The following NRXN1 variants were observed in gnomAD, a reference collection of about 807,000 sequenced individuals.
The protein encoded by NRXN1 is neurexin 1, also known as neurexin-1.
NRXN1 carries 39 observed loss-of-function variants against 150.9 expected under a neutral mutation model. The ratio of observed to expected loss-of-function variants is 0.26; its 90% CI spans 0.20 to 0.34. NRXN1 has a LOEUF of 0.34. Ranked by LOEUF, NRXN1 falls within the 10% of genes least tolerant of loss-of-function variation. NRXN1 has a pLI of 1.00. For synonymous variants in NRXN1, 924 were observed against 757.0 expected (o/e 1.22, Z -3.62); for missense variants, 1,815 against 1,949.9 (o/e 0.93, Z 1.30).
intron 17 of NRXN1, among the ~76,000 whole-genome samples, chr2:50,405,605 G>C (rs1369026958): frequency 6.6e-6 from 1 of 152,076 alleles, no homozygotes; most frequent in Admixed American, 6.6e-5. Context: ...AGAGAAAATT[G>C]TACATTTCCT....
chr2:50,715,262 G>T, intron 5 of NRXN1, among the ~76,000 whole-genome samples: 1 of 152,212 alleles, frequency 6.6e-6, no homozygotes, highest in Non-Finnish European at 1.5e-5. Flanking sequence ...TCATCTGATA[G>T]GCAGGGTGGA....
Position 50,497,293 on chromosome 2 carries a change from A to G in NRXN1, c.2879+40T>C, listed in dbSNP as rs199707326. 1.2e-4 allele frequency: 166 copies of G among 1,420,290 alleles called. No individual in the cohort carries two copies. In the African/African-American group the frequency reaches 2.1e-3, roughly 18 times the overall value. The allele number at this position is 1,420,290 out of a possible 1,614,324, so 88.0% of individuals were successfully genotyped here. A position where few individuals can be genotyped will look rare whatever the true frequency, so the allele number is the denominator to read the frequency against. On this transcript the variant is annotated intron_variant, in intron 14 of 22. Transcript: ENST00000401669. The stretch of plus-strand genomic sequence containing the variant: ...TTTGGAAATTGACGTCCATTTTTCC[A>G]AAGTTTTATTTATTTGCTATTGAAC...
chr2:50,528,344 C>T (rs960973339), intron 12 of NRXN1, among the ~76,000 whole-genome samples: 1 of 152,000 alleles, frequency 6.6e-6, no homozygotes, highest in African/African-American at 2.4e-5. Flanking sequence ...TCTAAAAATG[C>T]CACTTGCAGT....
chr2:50,817,285 C>T (rs1669071779), intron 5 of NRXN1, among the ~76,000 whole-genome samples: 1 of 151,958 alleles, frequency 6.6e-6, no homozygotes, highest in Non-Finnish European at 1.5e-5. Context: ...TTCCTAGAAA[C>T]ATACAACCTA....
chr2:50,160,029 T>C lies in NRXN1; in HGVS notation c.3547-68535A>G, dbSNP rs574395473. Among the ~76,000 whole-genome samples, 8 of 152,282 alleles carry C rather than the reference T, an allele frequency of 5.3e-5. No individual in the cohort carries two copies. In the East Asian group the frequency reaches 1.5e-3, roughly 29 times the overall value. ...TTAAAATATGATATGTGAGGAAGTA[T>C]GCAGGGCTTGGGACTTGAAGATTCT... On this transcript the variant is annotated intron_variant, in intron 18 of 22. Transcript: ENST00000401669.
chr2:50,315,381 T>C (rs2075516072), intron 17 of NRXN1, among the ~76,000 whole-genome samples: 3 of 152,112 alleles, frequency 2.0e-5, no homozygotes, highest in African/African-American at 4.8e-5. Context: ...AGAATTAAGA[T>C]AGAAGGATGG....
intron 18 of NRXN1, among the ~76,000 whole-genome samples, chr2:50,166,325 T>TGTGTTTG (rs2059687518): frequency 5.5e-5 from 4 of 73,254 alleles, no homozygotes; most frequent in Admixed American, 2.6e-4. Flanking sequence ...GTGTGTGTGT[T>TGTGTTTG]TGTGTGTGTG....
chr2:50,291,654 T>G (rs1482568790), intron 17 of NRXN1, among the ~76,000 whole-genome samples: 1 of 152,212 alleles, frequency 6.6e-6, no homozygotes, highest in Non-Finnish European at 1.5e-5. Context: ...ATGAGTGTCC[T>G]GCTCTCTCAG....
chr2:50,648,860 C>A (rs1331805244), intron 5 of NRXN1, among the ~76,000 whole-genome samples: 1 of 151,954 alleles, frequency 6.6e-6, no homozygotes, highest in Admixed American at 6.6e-5. Context: ...GAACTTTTGG[C>A]CCTTCTATTT....
At chr2:50,497,787 T>A in intron 13 of NRXN1, 73 bp from the exon 14 acceptor site, 2 of 1,398,724 alleles carry the variant, frequency 1.4e-6, no homozygotes, top group Non-Finnish European at 2.0e-6. Flanking sequence ...TTCATAACAA[T>A]ATCACATTCT....
At chr2:50,321,259 A>G (rs1331712869) in intron 17 of NRXN1, among the ~76,000 whole-genome samples, 3 of 152,212 alleles carry the variant, frequency 2.0e-5, no homozygotes, top group African/African-American at 7.2e-5. Flanking sequence ...TAAAGTATCC[A>G]GAGATACCTA....
chr2:50,564,731 G>C (rs1034846839), intron 8 of NRXN1, among the ~76,000 whole-genome samples: 1 of 152,100 alleles, frequency 6.6e-6, no homozygotes, highest in Non-Finnish European at 1.5e-5. Flanking sequence ...GCCCTAAAAA[G>C]TATAGAGACC....
At chr2:50,275,222 C>A (rs1310071454) in intron 17 of NRXN1, among the ~76,000 whole-genome samples, 1 of 152,100 alleles carries the variant, frequency 6.6e-6, no homozygotes, top group African/African-American at 2.4e-5. Context: ...AATAAATGAA[C>A]AGTCACAGAA....
intron 5 of NRXN1, among the ~76,000 whole-genome samples, chr2:50,904,544 A>T (rs1157319739): frequency 6.6e-6 from 1 of 152,100 alleles, no homozygotes; most frequent in East Asian, 1.9e-4. Flanking sequence ...CAATACAAGG[A>T]ATGTCCTTTT....
chr2:50,246,887 A>G (rs932175780), intron 17 of NRXN1, among the ~76,000 whole-genome samples: 2 of 152,080 alleles, frequency 1.3e-5, no homozygotes, highest in African/African-American at 4.8e-5. Flanking sequence ...ATGCATCCTG[A>G]AGAAAGGGAT....
At chr2:50,785,576 T>C (rs1050015538) in intron 5 of NRXN1, among the ~76,000 whole-genome samples, 6 of 152,068 alleles carry the variant, frequency 3.9e-5, no homozygotes, top group Non-Finnish European at 7.3e-5. Flanking sequence ...AGCCACTCAG[T>C]TGGTGATACT....
chr2:49,952,608 T>C (rs573805601), intron 21 of NRXN1, among the ~76,000 whole-genome samples: 1 of 152,094 alleles, frequency 6.6e-6, no homozygotes, highest in Non-Finnish European at 1.5e-5. Flanking sequence ...GCATAACTAA[T>C]TTTTTGGTGA....
intron 17 of NRXN1, among the ~76,000 whole-genome samples, chr2:50,329,465 G>A (rs1308093269): frequency 6.7e-6 from 1 of 150,292 alleles, no homozygotes; most frequent in Non-Finnish European, 1.5e-5. Flanking sequence ...CAGAGGAGGA[G>A]AACTCAGTTT....
intron 18 of NRXN1, among the ~76,000 whole-genome samples, chr2:50,209,554 T>C (rs2062860426): frequency 6.6e-6 from 1 of 152,182 alleles, no homozygotes; most frequent in African/African-American, 2.4e-5. Flanking sequence ...CAGTTCAAAA[T>C]AGTTTTTGAA....
Sources: allele counts gnomAD v4.1 joint callset (sites outside exome capture counted in the v4.1 genomes callset), GRCh38; gene constraint gnomAD v4.1.1; transcripts MANE v1.5; gene names NCBI Gene and HGNC (gene_info 2026-07-23, HGNC 2026-07-21).